Variants in DOCK3 observed in about 807,000 individuals in gnomAD.
DOCK3 encodes dedicator of cytokinesis 3, also known as dedicator of cytokinesis protein 3.
Under a neutral mutation model 265.6 loss-of-function variants are expected in DOCK3, and 60 were observed. The ratio of observed to expected loss-of-function variants is 0.23; its 90% CI spans 0.18 to 0.28. The LOEUF (loss-of-function observed/expected upper bound fraction) is 0.28, where lower values mean the gene tolerates loss of function less well. Among genes scored for constraint, DOCK3 ranks in the 10% least tolerant of loss-of-function variants. DOCK3 has a pLI of 1.00. For missense variants in DOCK3, 1,981 were observed against 2,594.3 expected (o/e 0.76, Z 5.14); for synonymous variants, 881 against 938.0 (o/e 0.94, Z 1.11).
intron 38 of DOCK3, among the ~76,000 whole-genome samples, chr3:51,343,245 C>T (rs2085352636): frequency 1.3e-5 from 2 of 152,218 alleles, no homozygotes; most frequent in African/African-American, 4.8e-5. Flanking sequence ...GCTCTCAACA[C>T]TGCCAGCACA....
At chr3:50,878,208 G>C (rs904695056) in intron 3 of DOCK3, among the ~76,000 whole-genome samples, 2 of 152,172 alleles carry the variant, frequency 1.3e-5, no homozygotes, top group African/African-American at 4.8e-5. Context: ...CTAAAAATCA[G>C]AGCGTCTCTT....
chr3:51,329,788 GA>G (rs1327385613), intron 32 of DOCK3, among the ~76,000 whole-genome samples: 1 of 152,108 alleles, frequency 6.6e-6, no homozygotes, highest in African/African-American at 2.4e-5. Flanking sequence ...AAATTCTTTT[GA>G]ATTAATGTTT....
At chr3:51,045,390 A>G (rs2080729604) in intron 5 of DOCK3, among the ~76,000 whole-genome samples, 1 of 152,286 alleles carries the variant, frequency 6.6e-6, no homozygotes, top group South Asian at 2.1e-4. Flanking sequence ...CAGAACAATT[A>G]CAATAGTAAC....
At chr3:50,990,217 G>A (rs1301703669) in intron 5 of DOCK3, among the ~76,000 whole-genome samples, 3 of 152,128 alleles carry the variant, frequency 2.0e-5, no homozygotes, top group Admixed American at 6.5e-5. Flanking sequence ...AAGTAAAAAC[G>A]ACTTGGAAAA....
chr3:51,262,191 C>T (rs2079890238), intron 23 of DOCK3, among the ~76,000 whole-genome samples: 1 of 152,192 alleles, frequency 6.6e-6, no homozygotes, highest in Non-Finnish European at 1.5e-5. Flanking sequence ...GTGGGTGCCC[C>T]TCTGGGACGA....
intron 9 of DOCK3, among the ~76,000 whole-genome samples, chr3:51,118,704 A>G (rs1463238780): frequency 1.3e-5 from 2 of 152,030 alleles, no homozygotes; most frequent in Non-Finnish European, 2.9e-5. Flanking sequence ...TCCCTTTACC[A>G]TTATGTAATA....
intron 1 of DOCK3, among the ~76,000 whole-genome samples, chr3:50,732,778 T>G (rs1158713841): frequency 3.9e-5 from 6 of 152,174 alleles, no homozygotes. Flanking sequence ...TAGCATGCTT[T>G]ATGGTAGTAT....
chr3:50,978,770 GA>G (rs1028871662), intron 5 of DOCK3, among the ~76,000 whole-genome samples: 5 of 152,178 alleles, frequency 3.3e-5, no homozygotes, highest in African/African-American at 1.2e-4. Flanking sequence ...AGTTTGATCT[GA>G]AACTGCTGTG....
At chr3:51,329,338 C>A (rs1187854080) in intron 32 of DOCK3, among the ~76,000 whole-genome samples, 1 of 152,070 alleles carries the variant, frequency 6.6e-6, no homozygotes, top group African/African-American at 2.4e-5. Context: ...ACCACCATGG[C>A]ACATGCTTAC....
chr3:51,125,255 A>G (rs1268873344), intron 9 of DOCK3, among the ~76,000 whole-genome samples: 1 of 152,222 alleles, frequency 6.6e-6, no homozygotes, highest in African/African-American at 2.4e-5. Context: ...TAAAAATTTG[A>G]AAGCATTTAG....
intron 17 of DOCK3, 27 bp downstream of exon 17, chr3:51,228,115 C>T: frequency 6.2e-7 from 1 of 1,605,720 alleles, no homozygotes; most frequent in Non-Finnish European, 8.5e-7. Context: ...CCTTTCATCC[C>T]CACCCCTTAC....
At chr3:50,685,351 T>C (rs977239426) in intron 1 of DOCK3, among the ~76,000 whole-genome samples, 3 of 152,238 alleles carry the variant, frequency 2.0e-5, no homozygotes, top group Non-Finnish European at 4.4e-5. Context: ...TCAAAATTGA[T>C]ACATGCTTGA....
At chr3:51,329,863 G>A (rs2084401844) in intron 32 of DOCK3, among the ~76,000 whole-genome samples, 1 of 152,132 alleles carries the variant, frequency 6.6e-6, no homozygotes, top group South Asian at 2.1e-4. Context: ...TTCTCTGTAG[G>A]GAATCCTTGC....
At chr3:50,685,795 G>A in intron 1 of DOCK3, 1 of 193,294 alleles carries the variant, frequency 5.2e-6, no homozygotes, top group Non-Finnish European at 1.2e-5. Context: ...GCTGTCCATG[G>A]CCTAGAACAT....
In DOCK3 at chr3:51,214,141, G is replaced by A. The variant is rs1560220347; in HGVS notation, c.1146G>A (p.Gln382=). ...SASHGLIISL[Q]LLRGDMEQIR... ...TTGCAGGTCTTATCATTTCTCTGCA[G>A]CTTCTTCGTGGAGACATGGAACAGA... is the stretch of plus-strand genomic sequence containing the variant. Residue 382 remains glutamine (Q), a synonymous_variant, in exon 14 of 53, where the codon CAG becomes CAA. Coordinates refer to ENST00000266037, the MANE Select transcript of DOCK3 (RefSeq NM_004947.5). The A allele has an allele frequency of 6.2e-7, 1 of 1,613,818 alleles. No individual in the cohort carries two copies. Among genetic ancestry groups the A allele is most frequent in the Non-Finnish European group, 8.5e-7 (1 of 1,179,830 alleles).
intron 5 of DOCK3, among the ~76,000 whole-genome samples, chr3:50,990,057 GA>G (rs1431271622): frequency 1.3e-5 from 2 of 151,966 alleles, no homozygotes; most frequent in Non-Finnish European, 2.9e-5. Context: ...AAAAATCTTG[GA>G]ATTTAAAGAC....
chr3:50,878,904 A>G (rs1033029566), intron 3 of DOCK3, among the ~76,000 whole-genome samples: 5 of 152,256 alleles, frequency 3.3e-5, no homozygotes, highest in Non-Finnish European at 7.3e-5. Flanking sequence ...CACAAAGGGA[A>G]GCCCATCAGA....
intron 12 of DOCK3, among the ~76,000 whole-genome samples, chr3:51,169,968 C>A (rs2086595676): frequency 6.6e-6 from 1 of 151,868 alleles, no homozygotes; most frequent in Non-Finnish European, 1.5e-5. Flanking sequence ...CATCTGTGTT[C>A]ATCAGACTTG....
chr3:51,323,580 G>A (rs1256786797), intron 32 of DOCK3, among the ~76,000 whole-genome samples: 1 of 152,196 alleles, frequency 6.6e-6, no homozygotes, highest in Non-Finnish European at 1.5e-5. Flanking sequence ...GCTCCTGAAT[G>A]ACTACTGGGT....
Sources: gnomAD v4.1 joint callset for allele counts (sites outside exome capture counted in the v4.1 genomes callset) on GRCh38, gnomAD v4.1.1 for gene constraint, MANE v1.5 for transcripts, NCBI Gene and HGNC (gene_info 2026-07-23, HGNC 2026-07-21) for gene names.